The following SEMA5A variants were observed in gnomAD, a reference collection of about 807,000 sequenced individuals.
The protein encoded by SEMA5A is semaphorin 5A.
SEMA5A carries 55 observed loss-of-function variants against 135.5 expected under a neutral mutation model. The ratio of observed to expected loss-of-function variants is 0.41; its 90% CI spans 0.33 to 0.51. SEMA5A has a LOEUF of 0.51. SEMA5A is among the 20% of genes least tolerant of loss of function. The probability of loss-of-function intolerance (pLI) is 0.37; values close to 1 mark genes in which losing one functional copy is unlikely to be tolerated. For synonymous variants in SEMA5A, 580 were observed against 546.5 expected, an observed-to-expected ratio of 1.06 and a Z score of -0.85; for missense variants, 1,290 against 1,419.9, an observed-to-expected ratio of 0.91 and a Z score of 1.47.
intron 2 of SEMA5A, among the ~76,000 whole-genome samples, chr5:9,428,403 G>C (rs542959722): frequency 6.6e-6 from 1 of 152,150 alleles, no homozygotes; most frequent in Non-Finnish European, 1.5e-5. Context: ...CTGTAACACT[G>C]ATAGTGTTCA....
chr5:9,185,865 C>T (rs1744777138), intron 11 of SEMA5A, among the ~76,000 whole-genome samples: 1 of 152,154 alleles, frequency 6.6e-6, no homozygotes, highest in African/African-American at 2.4e-5. Flanking sequence ...CATGGCCATG[C>T]TGTGGAAAAA....
In SEMA5A at chr5:9,119,050, G is replaced by A. The variant is rs1287764523; in HGVS notation, c.1873C>T (p.Pro625Ser). The change falls in exon 15 of 23, where the codon CCC (proline) becomes TCC (serine). Residue 625 changes from proline to serine, a missense_variant. Around this residue, in one of 3 missense-constraint regions of SEMA5A, gnomAD observed 1,029 missense variants for 1,086.6 expected, o/e 0.95. Coordinates refer to ENST00000382496, the MANE Select transcript of SEMA5A (RefSeq NM_003966.3). Reference sequence around the variant, plus strand: ...ACCCGGCCCCCGTGCCTGGGAGTGGGGTTGCTGCAGGAGCGCTGCCGCACC... The same window carrying A: ...ACCCGGCCCCCGTGCCTGGGAGTGGAGTTGCTGCAGGAGCGCTGCCGCACC... ...FQVRQRSCSNPTPRHGGRVCV... is the reference protein window; with the variant it reads ...FQVRQRSCSNSTPRHGGRVCV... 2 of 1,613,640 alleles carry A rather than the reference G, an allele frequency of 1.2e-6. No individual in the cohort carries two copies. The highest frequency in any genetic ancestry group is 1.7e-6 in the Non-Finnish European group (2 of 1,179,922).
At chr5:9,275,363 C>T (rs1216228759) in intron 5 of SEMA5A, among the ~76,000 whole-genome samples, 1 of 152,056 alleles carries the variant, frequency 6.6e-6, no homozygotes, top group East Asian at 1.9e-4. Flanking sequence ...CAAAAAAAGT[C>T]CGGGACCAGA....
At chr5:9,316,317 CA>C (rs1176658843) in intron 5 of SEMA5A, among the ~76,000 whole-genome samples, 1 of 152,064 alleles carries the variant, frequency 6.6e-6, no homozygotes, top group Admixed American at 6.6e-5. Context: ...AGTCACTTCT[CA>C]AAAAAATCCT....
intron 9 of SEMA5A, among the ~76,000 whole-genome samples, chr5:9,197,768 GT>G (rs1745489789): frequency 1.4e-5 from 2 of 139,256 alleles, no homozygotes; most frequent in Admixed American, 7.4e-5. Flanking sequence ...GTGTGTGTGT[GT>G]GTGTGTGTGT....
rs1579564880 is a variant in SEMA5A at position 9,185,788 on chromosome 5, A to T, written c.1273+4479T>A. Among the ~76,000 whole-genome samples, 3 of 152,312 alleles carry T rather than the reference A, an allele frequency of 2.0e-5. No homozygotes were observed. The Middle Eastern group carries it at 0.01, about 518-fold the overall frequency. On this transcript the variant is annotated intron_variant, in intron 11 of 22. Coordinates refer to ENST00000382496, the MANE Select transcript of SEMA5A (RefSeq NM_003966.3). ...AAATAAAAATGATATATCTCATCCT[A>T]GAAGGGAGAATAGAAAGCCCAAGAC...
At chr5:9,098,610 GAC>G (rs779365594) in intron 16 of SEMA5A, among the ~76,000 whole-genome samples, 9 of 152,140 alleles carry the variant, frequency 5.9e-5, no homozygotes, top group Non-Finnish European at 1.0e-4. Flanking sequence ...TAAAAAATCT[GAC>G]ATTTAAAAAA....
intron 18 of SEMA5A, among the ~76,000 whole-genome samples, chr5:9,057,392 A>T (rs1372455275): frequency 6.6e-6 from 1 of 152,240 alleles, no homozygotes; most frequent in Non-Finnish European, 1.5e-5. Context: ...GCTGATGTAC[A>T]TAATATATCC....
In SEMA5A at chr5:9,088,637, A is replaced by ATATATATATATATATATATAT. The variant is rs1738846706; in HGVS notation, c.2073+19502_2073+19503insATATATATATATATATATATA. ...GCAGCAGCAGGAAGCCTACATTTAT[A>ATATATATATATATATATATAT]ATATATATATATATATATATATACA... On this transcript the variant is annotated intron_variant, in intron 16 of 22. Transcript: ENST00000382496. 4.4e-4 allele frequency among the ~76,000 whole-genome samples: 48 copies of ATATATATATATATATATATAT among 107,928 alleles called. 1 individual carries two copies. Among genetic ancestry groups the ATATATATATATATATATATAT allele is most frequent in the African/African-American group, 1.7e-3 (39 of 23,500 alleles). The allele number at this position is 107,928 out of a possible 152,430, so 70.8% of individuals were successfully genotyped here. A position where few individuals can be genotyped will look rare whatever the true frequency, so the allele number is the denominator to read the frequency against.
In SEMA5A at chr5:9,122,715, G is replaced by C. The variant is rs1189230659; in HGVS notation, c.1722C>G (p.Ala574=). Residue 574 remains alanine (A), a synonymous_variant, in exon 14 of 23, where the codon GCC becomes GCG. Coordinates refer to ENST00000382496, the MANE Select transcript of SEMA5A (RefSeq NM_003966.3). ...CGCACTGCCAGCCACCACACTGCGG[G>C]GCCGGGCTGTCGCAGGAGCGGGTTC... The part of the protein sequence containing the change: ...LCRTRSCDSP[A]PQCGGWQCEG... 6.2e-7 allele frequency: 1 copy of C among 1,613,450 alleles called. No individual in the cohort carries two copies. The highest frequency in any genetic ancestry group is 8.5e-7 in the Non-Finnish European group (1 of 1,179,836).
At chr5:9,113,839 T>C (rs1740372806) in intron 15 of SEMA5A, among the ~76,000 whole-genome samples, 1 of 152,244 alleles carries the variant, frequency 6.6e-6, no homozygotes, top group Non-Finnish European at 1.5e-5. Flanking sequence ...TCTCATGCGT[T>C]GCTGTTGGGA....
chr5:9,036,552 T>TG lies in SEMA5A; in HGVS notation c.*6344_*6345insC, dbSNP rs1360609237. ...TCTTATTACAGAACAATCACTATGA[T>TG]TTTTTTTGGAACATGTAAAAATTAA... is the stretch of plus-strand genomic sequence containing the variant. On this transcript the variant is annotated 3_prime_UTR_variant, in exon 23 of 23. Transcript: ENST00000382496. The TG allele has an allele frequency of 7.9e-4, 120 of 151,254 alleles. No homozygotes were observed. Among genetic ancestry groups the TG allele is most frequent in the African/African-American group, 2.9e-3 (117 of 40,688 alleles). The allele number at this position is 151,254 out of a possible 1,614,324, so 9.4% of individuals were successfully genotyped here. A position where few individuals can be genotyped will look rare whatever the true frequency, so the allele number is the denominator to read the frequency against.
intron 8 of SEMA5A, among the ~76,000 whole-genome samples, chr5:9,216,198 G>A (rs894679054): frequency 9.2e-5 from 14 of 152,146 alleles, no homozygotes; most frequent in African/African-American, 3.4e-4. Flanking sequence ...GTTCTCATTA[G>A]TTTCAACGCA....
rs1805979 is a variant in SEMA5A, at chr5:9,255,176, C to A, written c.271-17286G>T. Among the ~76,000 whole-genome samples, 154 of 152,240 alleles carry A rather than the reference C, an allele frequency of 1.0e-3. 1 individual carries two copies. Among genetic ancestry groups the A allele is most frequent in the African/African-American group, 3.7e-3 (154 of 41,550 alleles). ...ATTCCTTATCTTGATTTTTGTATGT[C>A]TTTGCTTGGGAACAAAGGAGATACA... On this transcript the variant is annotated intron_variant, in intron 5 of 22. Coordinates refer to ENST00000382496, the MANE Select transcript of SEMA5A (RefSeq NM_003966.3).
At chr5:9,205,300 TATC>T (rs1342762257) in intron 8 of SEMA5A, among the ~76,000 whole-genome samples, 1 of 152,052 alleles carries the variant, frequency 6.6e-6, no homozygotes, top group African/African-American at 2.4e-5. Flanking sequence ...AAACCACAGT[TATC>T]ATGGAAGTCA....
At chr5:9,493,407 A>C (rs556654368) in intron 1 of SEMA5A, among the ~76,000 whole-genome samples, 1 of 151,892 alleles carries the variant, frequency 6.6e-6, no homozygotes, top group Non-Finnish European at 1.5e-5. Context: ...AATGGCCTCT[A>C]TCTTTCCCAC....
At chr5:9,221,218 A>G (rs1174985355) in intron 8 of SEMA5A, among the ~76,000 whole-genome samples, 1 of 152,110 alleles carries the variant, frequency 6.6e-6, no homozygotes, top group East Asian at 1.9e-4. Flanking sequence ...TGGACACGGC[A>G]GAACTAAGGG....
At chr5:9,307,404 G>T (rs1751921401) in intron 5 of SEMA5A, among the ~76,000 whole-genome samples, 1 of 151,938 alleles carries the variant, frequency 6.6e-6, no homozygotes, top group South Asian at 2.1e-4. Flanking sequence ...ATAAATTCTG[G>T]ATGACAAATG....
In SEMA5A at chr5:9,122,855, G is replaced by C. The variant is rs773281579; in HGVS notation, c.1600-18C>G. On this transcript the variant is annotated intron_variant, in intron 13 of 22. Transcript: ENST00000382496. ...TTCCTGGTCTAGGAAGCAAAACCAA[G>C]CAGAGGTGTCAGAAAAGGTTAAAGC... is the stretch of plus-strand genomic sequence containing the variant. 1 of 1,574,254 alleles carries C rather than the reference G, an allele frequency of 6.4e-7. No homozygotes were observed. Among genetic ancestry groups the C allele is most frequent in the Non-Finnish European group, 8.7e-7 (1 of 1,155,372 alleles).
Sources: gnomAD v4.1 joint callset for allele counts (sites outside exome capture counted in the v4.1 genomes callset) on GRCh38, gnomAD v4.1.1 for gene constraint, gnomAD v4.1.1 regional missense constraint, MANE v1.5 for transcripts, NCBI Gene and HGNC (gene_info 2026-07-23, HGNC 2026-07-21) for gene names.